ATP13A4: variants seen among roughly 807,000 people sequenced by gnomAD.
ATP13A4 encodes ATPase 13A4, also known as probable cation-transporting ATPase 13A4.
In ATP13A4, 114 loss-of-function variants were observed where a neutral mutation model predicts 142.5. The ratio of observed to expected loss-of-function variants is 0.80; its 90% confidence interval spans 0.69 to 0.93. The LOEUF (loss-of-function observed/expected upper bound fraction) is 0.93. ATP13A4 is among the 40% of genes least tolerant of loss of function. The probability of loss-of-function intolerance (pLI) is 0.00; values close to 1 mark genes in which losing one functional copy is unlikely to be tolerated. For missense variants in ATP13A4, 1,392 were observed against 1,454.0 expected (o/e 0.96, Z 0.69); for synonymous variants, 488 against 514.8 (o/e 0.95, Z 0.70).
At chr3:193,508,482 C>G (rs1310732435) in intron 2 of ATP13A4, among the ~76,000 whole-genome samples, 1 of 152,144 alleles carries the variant, frequency 6.6e-6, no homozygotes, top group Admixed American at 6.5e-5. Flanking sequence ...TTTCTCTATG[C>G]CTCCATCTGT....
chr3:193,541,045 C>G, intron 1 of ATP13A4, among the ~76,000 whole-genome samples: 1 of 152,044 alleles, frequency 6.6e-6, no homozygotes, highest in Non-Finnish European at 1.5e-5. Flanking sequence ...GTCAGGAGAT[C>G]GAGAGCATCC....
chr3:193,556,875 C>A (rs574171514), upstream of ATP13A4, among the ~76,000 whole-genome samples: 1 of 152,244 alleles, frequency 6.6e-6, no homozygotes, highest in South Asian at 2.1e-4. Context: ...AAATATAAAA[C>A]AAGCATATTC....
chr3:193,559,465 T>C (rs539198545), upstream of ATP13A4, among the ~76,000 whole-genome samples: 2 of 152,332 alleles, frequency 1.3e-5, no homozygotes, highest in East Asian at 1.9e-4. Context: ...ACCTTTAGTA[T>C]TAATTATCCT....
intron 9 of ATP13A4, among the ~76,000 whole-genome samples, chr3:193,468,836 G>A (rs1718454928): frequency 6.6e-6 from 1 of 152,230 alleles, no homozygotes; most frequent in Admixed American, 6.5e-5. Flanking sequence ...AATTTACAAT[G>A]ACTTTCTAGT....
intron 2 of ATP13A4, among the ~76,000 whole-genome samples, chr3:193,562,634 G>A (rs749632842): frequency 6.6e-6 from 1 of 152,176 alleles, no homozygotes; most frequent in Non-Finnish European, 1.5e-5. Context: ...CACTTTGGGA[G>A]GTCGAGGTGT....
At chr3:193,461,504 T>G (rs552871942) in intron 13 of ATP13A4, among the ~76,000 whole-genome samples, 2 of 152,218 alleles carry the variant, frequency 1.3e-5, no homozygotes, top group African/African-American at 4.8e-5. Flanking sequence ...AGTTTAACAC[T>G]TTCAGAGGCC....
chr3:193,520,947 T>C (rs1318787912), intron 1 of ATP13A4, among the ~76,000 whole-genome samples: 2 of 152,168 alleles, frequency 1.3e-5, no homozygotes, highest in East Asian at 1.9e-4. Context: ...TCTCTGGTCA[T>C]TGACTCCCAG....
intron 18 of ATP13A4, among the ~76,000 whole-genome samples, chr3:193,445,130 C>G (rs1452573047): frequency 3.3e-5 from 5 of 152,132 alleles, no homozygotes; most frequent in Admixed American, 3.3e-4. Context: ...ACAGATGAAA[C>G]CTGCTTTAAA....
chr3:193,504,764 A>C (rs973144581), intron 2 of ATP13A4, among the ~76,000 whole-genome samples: 3 of 152,216 alleles, frequency 2.0e-5, no homozygotes, highest in African/African-American at 7.2e-5. Flanking sequence ...GTAGGTAAAT[A>C]GGAACACAAA....
At chr3:193,561,975 C>T (rs887056093) in intron 2 of ATP13A4, among the ~76,000 whole-genome samples, 5 of 152,202 alleles carry the variant, frequency 3.3e-5, no homozygotes, top group African/African-American at 9.7e-5. Flanking sequence ...CCAATCCTCT[C>T]CTCCTTTCAT....
intron 26 of ATP13A4, among the ~76,000 whole-genome samples, chr3:193,413,342 C>A (rs1714874908): frequency 6.6e-6 from 1 of 152,112 alleles, no homozygotes; most frequent in Admixed American, 6.5e-5. Flanking sequence ...CACTATTGTA[C>A]AAATTGATTG....
intron 17 of ATP13A4, among the ~76,000 whole-genome samples, chr3:193,449,901 C>T (rs893471269): frequency 1.3e-5 from 2 of 152,102 alleles, no homozygotes; most frequent in African/African-American, 4.8e-5. Context: ...GGACGGATCA[C>T]CTGAGGTCGG....
rs886918522 is a variant in ATP13A4, at chr3:193,472,713, G to A, written c.809-1720C>T. ...GTGGGTGGAAGACAGGAACAGAAAC[G>A]TGTTCCAAATGACGGTGATCAGACT... On this transcript the variant is annotated intron_variant, in intron 8 of 29. Coordinates refer to ENST00000342695, the MANE Select transcript of ATP13A4 (RefSeq NM_032279.4). Among the ~76,000 whole-genome samples the A allele has an allele frequency of 3.9e-5, 6 of 152,296 alleles. No homozygotes were observed. The South Asian group carries it at 1.2e-3, about 32-fold the overall frequency.
rs1050312572 is a variant in ATP13A4, at chr3:193,444,696, G to A, written c.2153-2140C>T. ...AGCAAGAGACATTCCTGGTTATAAG[G>A]CTTCTTGAAAGGAGAGGTATGTATG... On this transcript the variant is annotated intron_variant, in intron 18 of 29. Coordinates refer to ENST00000342695, the MANE Select transcript of ATP13A4 (RefSeq NM_032279.4). Among the ~76,000 whole-genome samples the A allele has an allele frequency of 5.9e-5, 9 of 152,290 alleles. No individual in the cohort carries two copies. In the East Asian group the frequency reaches 1.5e-3, roughly 26 times the overall value.
At position 193,401,833 on chromosome 3, in the gene ATP13A4, C is replaced by A. The variant is rs989561778; in HGVS notation, c.*819G>T. ...AAACACAGGAGACTGCACTTTCCAG[C>A]TCCCTGGCCAAATCCTTGACTAATG... On this transcript the variant is annotated 3_prime_UTR_variant, in exon 30 of 30. Transcript: ENST00000342695. Among the ~76,000 whole-genome samples, 3 of 152,322 alleles carry A rather than the reference C, an allele frequency of 2.0e-5. No homozygotes were observed. Among genetic ancestry groups the A allele is most frequent in the Non-Finnish European group, 4.4e-5 (3 of 68,038 alleles).
chr3:193,470,222 T>G (rs1718539678), intron 9 of ATP13A4, among the ~76,000 whole-genome samples: 1 of 152,178 alleles, frequency 6.6e-6, no homozygotes, highest in African/African-American at 2.4e-5. Flanking sequence ...ATCAAGGCAG[T>G]GTAACCTTAA....
rs535814470 is a variant in ATP13A4 at position 193,502,655 on chromosome 3, T to C, written c.235-16A>G. 1.2e-6 allele frequency: 2 copies of C among 1,612,842 alleles called. No individual in the cohort carries two copies. Among genetic ancestry groups the C allele is most frequent in the Non-Finnish European group, 1.7e-6 (2 of 1,178,944 alleles). ...GGAATTCATCCTGAGGAGATAGACA[T>C]CAAAACCCCCAAGAAGTTAAGAGAG... On this transcript the variant is annotated splice_polypyrimidine_tract_variant and intron_variant, in intron 2 of 29. Transcript: ENST00000342695.
At chr3:193,479,614 T>C (rs1167663380) in intron 8 of ATP13A4, among the ~76,000 whole-genome samples, 1 of 151,996 alleles carries the variant, frequency 6.6e-6, no homozygotes, top group African/African-American at 2.4e-5. Flanking sequence ...TGAAAAATTA[T>C]AAACGATACA....
chr3:193,476,800 C>A (rs1718989849), intron 8 of ATP13A4, among the ~76,000 whole-genome samples: 1 of 151,896 alleles, frequency 6.6e-6, no homozygotes, highest in African/African-American at 2.4e-5. Context: ...ACAGGAATGG[C>A]CAGTTGGTGA....
Sources: gnomAD v4.1 joint callset for allele counts (sites outside exome capture counted in the v4.1 genomes callset) on GRCh38, gnomAD v4.1.1 for gene constraint, MANE v1.5 for transcripts, NCBI Gene and HGNC (gene_info 2026-07-23, HGNC 2026-07-21) for gene names.